STARD9: variants seen among roughly 807,000 people sequenced by gnomAD.
STARD9 encodes the protein stAR-related lipid transfer protein 9.
In STARD9, 346 loss-of-function variants were observed where a neutral mutation model predicts 399.8. That is an observed-to-expected ratio of 0.87 (90% CI 0.79 to 0.95). The LOEUF (loss-of-function observed/expected upper bound fraction) is 0.95. STARD9 is among the 40% of genes least tolerant of loss of function. The pLI is 0.00. For synonymous variants in STARD9, 2,203 were observed against 2,143.5 expected, an observed-to-expected ratio of 1.03 and a Z score of -0.77; for missense variants, 5,832 against 5,667.5, an observed-to-expected ratio of 1.03 and a Z score of -0.93.
chr15:42,639,778 C>G (rs1340912742), intron 7 of STARD9, among the ~76,000 whole-genome samples: 1 of 151,566 alleles, frequency 6.6e-6, no homozygotes, highest in African/African-American at 2.4e-5. Flanking sequence ...GCAGGATAAT[C>G]ACTTAAACCT....
Position 42,692,808 on chromosome 15 carries a change from A to AC in STARD9, c.11233dup (p.Leu3745ProfsTer9), listed in dbSNP as rs2060744498. 1 of 1,536,858 alleles carries AC rather than the reference A, an allele frequency of 6.5e-7. No individual in the cohort carries two copies. The highest frequency in any genetic ancestry group is 1.4e-5 in the African/African-American group (1 of 72,950). ...CAGCCAGACTGACCTCACCTTACCC[A>AC]CCCTGTGCCTCCAGACTTCAGAGGC... On this transcript the variant is annotated frameshift_variant, in exon 23 of 33. Transcript: ENST00000290607. LOFTEE classifies it high-confidence loss of function.
chr15:42,715,329 G>C (rs1487270657), intron 26 of STARD9, among the ~76,000 whole-genome samples: 1 of 152,162 alleles, frequency 6.6e-6, no homozygotes, highest in Non-Finnish European at 1.5e-5. Context: ...GGCAAACAGC[G>C]AGACTGGTTG....
At chr15:42,605,158 C>T (rs1156701139) in intron 3 of STARD9, among the ~76,000 whole-genome samples, 1 of 152,102 alleles carries the variant, frequency 6.6e-6, no homozygotes, top group East Asian at 1.9e-4. Context: ...GCCATTTAAT[C>T]TTATAATAAA....
intron 7 of STARD9, among the ~76,000 whole-genome samples, chr15:42,648,911 T>A (rs188602770): frequency 2.7e-3 from 404 of 152,264 alleles, no homozygotes; most frequent in Admixed American, 4.3e-3. Context: ...TTAATTAATT[T>A]ATTTATTAGA....
chr15:42,637,609 A>G (rs1386260808), intron 4 of STARD9, among the ~76,000 whole-genome samples: 1 of 152,200 alleles, frequency 6.6e-6, no homozygotes, highest in Admixed American at 6.5e-5. Flanking sequence ...GTTTTTATCC[A>G]AGAATAATGT....
chr15:42,640,353 C>T (rs1196389471), intron 7 of STARD9, among the ~76,000 whole-genome samples: 1 of 152,126 alleles, frequency 6.6e-6, no homozygotes, highest in Non-Finnish European at 1.5e-5. Context: ...TGTCTTTTCC[C>T]AAATGTTTAA....
At chr15:42,674,710 C>G in intron 17 of STARD9, 117 bp from the exon 18 acceptor site, 1 of 1,404,194 alleles carries the variant, frequency 7.1e-7, no homozygotes, top group Non-Finnish European at 9.4e-7. Context: ...TCAGCTCTTC[C>G]TCTTTTATTA....
intron 26 of STARD9, among the ~76,000 whole-genome samples, chr15:42,701,431 G>A (rs1000465564): frequency 6.6e-6 from 1 of 151,962 alleles, no homozygotes; most frequent in Non-Finnish European, 1.5e-5. Flanking sequence ...CGTGTTTTAC[G>A]GTTTTCGTTG....
chr15:42,687,783 A>C lies in STARD9; in HGVS notation c.6205A>C (p.Asn2069His), dbSNP rs764657084. Residue 2069 changes from asparagine to histidine, a missense_variant, in exon 23 of 33, where the codon AAT becomes CAT. Asn to His is a moderately conservative substitution (Grantham distance 68). Transcript: ENST00000290607. The part of the protein sequence containing the change: ...NGILEIESKQ[N>H]KQVHASHTPG... ...CATCTTAGAAATTGAATCTAAGCAGAATAAGCAGGTTCATGCTTCCCACAC... is the reference window on the plus strand; with the variant it reads ...CATCTTAGAAATTGAATCTAAGCAGCATAAGCAGGTTCATGCTTCCCACAC... 144 of 1,537,408 alleles carry C rather than the reference A, an allele frequency of 9.4e-5. No homozygotes were observed. The highest frequency in any genetic ancestry group is 1.1e-4 in the Non-Finnish European group (131 of 1,147,010).
At chr15:42,665,937 A>G in intron 15 of STARD9, 89 bp downstream of exon 15, 3 of 1,029,052 alleles carry the variant, frequency 2.9e-6, no homozygotes, top group South Asian at 2.7e-5. Flanking sequence ...CTCCCTTGGC[A>G]GGGCAGAGAA....
rs1010323938 is a variant in STARD9 at position 42,720,977 on chromosome 15, T to C, written c.*1403T>C. The C allele has an allele frequency of 6.6e-6, 1 of 152,216 alleles. No homozygotes were observed. Among genetic ancestry groups the C allele is most frequent in the Non-Finnish European group, 1.5e-5 (1 of 68,036 alleles). 9.4% of individuals were successfully genotyped at this position (152,216 alleles called of 1,614,324 possible). On this transcript the variant is annotated 3_prime_UTR_variant, in exon 33 of 33. Coordinates refer to ENST00000290607, the MANE Select transcript of STARD9 (RefSeq NM_020759.3). ...TGACCAAAAAAGAACATTTTAAAAT[T>C]AAAAGTCCTCTGTGTACTTTATCTA...
chr15:42,674,359 A>C, intron 16 of STARD9, 81 bp from the exon 17 acceptor site: 1 of 1,108,544 alleles, frequency 9.0e-7, no homozygotes, highest in East Asian at 2.6e-5. Context: ...AGACAGTGAG[A>C]ATATTCTAAT....
rs1353644064 is a variant in STARD9 at position 42,710,905 on chromosome 15, CTCTCTCTCTG to C, written c.13285-5770_13285-5761del. On this transcript the variant is annotated intron_variant, in intron 26 of 32. Transcript: ENST00000290607. ...TCACTTGTGCGCTCTCTCTCTCTCT[CTCTCTCTCTG>C]TGTGTGTGTGTCTGTCTCCCTGTCT... 3.7e-3 allele frequency among the ~76,000 whole-genome samples: 464 copies of C among 125,780 alleles called. 2 individuals carry two copies. Among genetic ancestry groups the C allele is most frequent in the African/African-American group, 0.022 (435 of 20,090 alleles). The allele number at this position is 125,780 out of a possible 152,430, so 82.5% of individuals were successfully genotyped here.
At chr15:42,674,034 G>A (rs2060259031) in intron 16 of STARD9, 1 of 457,664 alleles carries the variant, frequency 2.2e-6, no homozygotes, top group Non-Finnish European at 4.4e-6. Flanking sequence ...ATCAAACTTG[G>A]ACCACATCAA....
rs755479329 is a variant in STARD9, at chr15:42,681,616, G to A, written c.2065+4G>A. ...ATTAGCCAGCAGATTAAAGAAAGTAGGTGTCCACCACTTAATGTGTCTGCC... is the reference window on the plus strand; with the variant it reads ...ATTAGCCAGCAGATTAAAGAAAGTAAGTGTCCACCACTTAATGTGTCTGCC... On this transcript the variant is annotated splice_donor_region_variant and intron_variant, in intron 21 of 32. Transcript: ENST00000290607. 8 of 1,534,402 alleles carry A rather than the reference G, an allele frequency of 5.2e-6. No individual in the cohort carries two copies. In the South Asian group the frequency reaches 9.6e-5, roughly 18 times the overall value.
At chr15:42,717,358 C>T (rs1434060696) in intron 28 of STARD9, among the ~76,000 whole-genome samples, 1 of 152,012 alleles carries the variant, frequency 6.6e-6, no homozygotes, top group African/African-American at 2.4e-5. Context: ...CGTGGTAGCT[C>T]ACACCTGTAG....
At chr15:42,671,746 AG>A (rs2060207082) in intron 16 of STARD9, 1 of 152,200 alleles carries the variant, frequency 6.6e-6, no homozygotes, top group Non-Finnish European at 1.5e-5. Context: ...TGAAGAATAA[AG>A]GATTGATCAG....
chr15:42,696,949 T>C (rs780720886), intron 26 of STARD9, among the ~76,000 whole-genome samples: 1 of 152,166 alleles, frequency 6.6e-6, no homozygotes, highest in Non-Finnish European at 1.5e-5. Flanking sequence ...CAGTTGGAAA[T>C]ATAGAGCTCA....
Position 42,693,341 on chromosome 15 carries a change from A to T in STARD9, c.11763A>T (p.Ser3921=). 1 of 1,537,104 alleles carries T rather than the reference A, an allele frequency of 6.5e-7. No homozygotes were observed. Among genetic ancestry groups the T allele is most frequent in the African/African-American group, 1.4e-5 (1 of 73,144 alleles). The change falls in exon 23 of 33, where the codon TCA becomes TCT. Residue 3921 remains serine (S), a synonymous_variant. Transcript: ENST00000290607. ...PGLSPGSLTL[S]APSTHPVEGH... ...TTTCCCCAGGCTCTTTGACCCTCTC[A>T]GCCCCTTCAACTCACCCTGTTGAAG...
Sources: gnomAD v4.1 joint callset for allele counts (sites outside exome capture counted in the v4.1 genomes callset) on GRCh38, gnomAD v4.1.1 for gene constraint, MANE v1.5 for transcripts, NCBI Gene and HGNC (gene_info 2026-07-23, HGNC 2026-07-21) for gene names.